VPS13D: variants seen among roughly 807,000 people sequenced by gnomAD.
VPS13D encodes intermembrane lipid transfer protein VPS13D.
Under a neutral mutation model 461.9 loss-of-function variants are expected in VPS13D, and 187 were observed. That is an observed-to-expected ratio of 0.40 (90% CI 0.36 to 0.46). The LOEUF (loss-of-function observed/expected upper bound fraction) is 0.46. VPS13D is among the 20% of genes least tolerant of loss of function. VPS13D has a pLI of 0.60. For synonymous variants in VPS13D, 1,951 were observed against 1,986.3 expected, an observed-to-expected ratio of 0.98 and a Z score of 0.47; for missense variants, 4,711 against 5,364.9, an observed-to-expected ratio of 0.88 and a Z score of 3.81.
intron 60 of VPS13D, among the ~76,000 whole-genome samples, chr1:12,392,629 G>A (rs988628048): frequency 1.3e-5 from 2 of 151,514 alleles, no homozygotes; most frequent in African/African-American, 4.9e-5. Flanking sequence ...ATAGTCAGAT[G>A]TTCATTTTCC....
intron 2 of VPS13D, among the ~76,000 whole-genome samples, chr1:12,237,940 G>A (rs1640209394): frequency 6.6e-6 from 1 of 152,132 alleles, no homozygotes; most frequent in South Asian, 2.1e-4. Context: ...CATATCACTT[G>A]AAGCCAGGAG....
At chr1:12,485,162 A>G (rs1200127892) in intron 67 of VPS13D, among the ~76,000 whole-genome samples, 1 of 152,144 alleles carries the variant, frequency 6.6e-6, no homozygotes, top group African/African-American at 2.4e-5. Flanking sequence ...TGGGGAGCCA[A>G]CTCTTTCAAA....
At chr1:12,431,176 C>G (rs1212799590) in intron 65 of VPS13D, among the ~76,000 whole-genome samples, 5 of 152,074 alleles carry the variant, frequency 3.3e-5, no homozygotes, top group Admixed American at 3.3e-4. Flanking sequence ...CCTATTTAAC[C>G]CCATCTTGTA....
intron 25 of VPS13D, among the ~76,000 whole-genome samples, chr1:12,303,706 C>T (rs1256772607): frequency 2.0e-5 from 3 of 152,208 alleles, no homozygotes; most frequent in Admixed American, 6.5e-5. Context: ...CATCCTTCCT[C>T]TCTTCCCAGA....
At chr1:12,380,048 C>T (rs896401727) in intron 57 of VPS13D, among the ~76,000 whole-genome samples, 2 of 152,138 alleles carry the variant, frequency 1.3e-5, no homozygotes, top group African/African-American at 2.4e-5. Flanking sequence ...GGATTACAGG[C>T]GTGAGCCACC....
intron 54 of VPS13D, 21 bp from the exon 55 acceptor site, chr1:12,373,729 T>C: frequency 7.3e-7 from 1 of 1,365,656 alleles, no homozygotes; most frequent in South Asian, 1.9e-5. Context: ...TTATGTAATA[T>C]ATATATTTTT....
rs1570084383 is a variant in VPS13D at position 12,394,509 on chromosome 1, A to C, written c.11635-5672A>C. On this transcript the variant is annotated intron_variant, in intron 60 of 69. Transcript: ENST00000620676. ...GATCCAGTTATCCCCATTGTGTTTA[A>C]ATTTTGTAGCTAATGATTGCTGTTC... Among the ~76,000 whole-genome samples, 4 of 152,274 alleles carry C rather than the reference A, an allele frequency of 2.6e-5. No homozygotes were observed. The South Asian group carries it at 8.3e-4, about 32-fold the overall frequency.
chr1:12,491,733 A>C (rs535595353), intron 67 of VPS13D, among the ~76,000 whole-genome samples: 1 of 152,340 alleles, frequency 6.6e-6, no homozygotes, highest in African/African-American at 2.4e-5. Flanking sequence ...AGAGTCCTCC[A>C]TGCTGTACAG....
chr1:12,359,786 A>G (rs1297082195), intron 50 of VPS13D, among the ~76,000 whole-genome samples: 1 of 152,204 alleles, frequency 6.6e-6, no homozygotes, highest in Non-Finnish European at 1.5e-5. Flanking sequence ...TGACATTAAG[A>G]TTTTTAAAAG....
rs542812904 is a variant in VPS13D at position 12,255,590 on chromosome 1, A to G, written c.670-743A>G. ...TTAAAATTTTAAACGATGTGAGTGT[A>G]TTACCTATTAAGAAATATAAAGGTT... is the stretch of plus-strand genomic sequence containing the variant. On this transcript the variant is annotated intron_variant, in intron 7 of 69. Transcript: ENST00000620676. 7.2e-5 allele frequency among the ~76,000 whole-genome samples: 11 copies of G among 151,764 alleles called. 1 individual carries two copies. In the South Asian group the frequency reaches 2.1e-3, roughly 29 times the overall value.
chr1:12,479,082 A>G lies in VPS13D; in HGVS notation c.12663-18418A>G, dbSNP rs188515530. Among the ~76,000 whole-genome samples, 242 of 152,316 alleles carry G rather than the reference A, an allele frequency of 1.6e-3. 4 individuals carry two copies. Among genetic ancestry groups the G allele is most frequent in the African/African-American group, 5.7e-3 (235 of 41,570 alleles). On this transcript the variant is annotated intron_variant, in intron 67 of 69. Transcript: ENST00000620676. ...TGTCCGAGGCCGGTGGCCCCATGGG[A>G]ACTCTGTCCATTCAATAGGGAGGGC...
At chr1:12,440,033 T>G (rs902218660) in intron 65 of VPS13D, among the ~76,000 whole-genome samples, 2 of 152,234 alleles carry the variant, frequency 1.3e-5, no homozygotes, top group Non-Finnish European at 2.9e-5. Context: ...TCAAATGTTT[T>G]AAAGGGAATA....
At chr1:12,290,960 G>T in intron 22 of VPS13D, 38 bp from the exon 23 acceptor site, 1 of 1,553,656 alleles carries the variant, frequency 6.4e-7, no homozygotes, top group Non-Finnish European at 8.7e-7. Context: ...TGACAAAAAA[G>T]GATACATAGT....
At chr1:12,321,618 C>T (rs745957833) in intron 32 of VPS13D, among the ~76,000 whole-genome samples, 191 bp from the exon 33 acceptor site, 1 of 152,098 alleles carries the variant, frequency 6.6e-6, no homozygotes, top group Non-Finnish European at 1.5e-5. Flanking sequence ...GCCTTTTCCT[C>T]TGGGTGAACC....
intron 29 of VPS13D, among the ~76,000 whole-genome samples, chr1:12,313,364 G>A (rs1642808837): frequency 7.2e-6 from 1 of 138,424 alleles, no homozygotes; most frequent in African/African-American, 2.8e-5. Context: ...CGGGACTGCA[G>A]TGGTGCCATC....
intron 63 of VPS13D, among the ~76,000 whole-genome samples, chr1:12,408,317 AAGAG>A (rs138830414): frequency 2.1e-5 from 3 of 146,340 alleles, no homozygotes; most frequent in East Asian, 1.9e-4. Flanking sequence ...ATTTATACCA[AAGAG>A]AGAGAGAGAG....
At chr1:12,488,248 A>G (rs1054618911) in intron 67 of VPS13D, among the ~76,000 whole-genome samples, 1 of 152,254 alleles carries the variant, frequency 6.6e-6, no homozygotes, top group East Asian at 1.9e-4. Flanking sequence ...AAAGAGGGAG[A>G]TGATTAACTT....
chr1:12,419,452 GAC>G (rs1367661893), intron 65 of VPS13D, among the ~76,000 whole-genome samples: 1 of 152,154 alleles, frequency 6.6e-6, no homozygotes, highest in Non-Finnish European at 1.5e-5. Context: ...AGGTTTAATT[GAC>G]TCATGGTTGT....
intron 67 of VPS13D, among the ~76,000 whole-genome samples, chr1:12,466,867 A>G (rs1426083896): frequency 1.3e-5 from 2 of 152,248 alleles, no homozygotes. Flanking sequence ...TGCTATATCC[A>G]GCTGAAGGGA....
Sources: gnomAD v4.1 joint callset for allele counts (sites outside exome capture counted in the v4.1 genomes callset) on GRCh38, gnomAD v4.1.1 for gene constraint, MANE v1.5 for transcripts, NCBI Gene and HGNC (gene_info 2026-07-23, HGNC 2026-07-21) for gene names.